The following CNTNAP2 variants were observed in gnomAD, a reference collection of about 807,000 sequenced individuals.
CNTNAP2 encodes contactin-associated protein-like 2.
A neutral mutation model predicts 155.2 loss-of-function variants in CNTNAP2; 98 were observed. That is an observed-to-expected ratio of 0.63 (90% confidence interval 0.54 to 0.75). The LOEUF (loss-of-function observed/expected upper bound fraction) is 0.75, where lower values mean the gene tolerates loss of function less well. Among genes scored for constraint, CNTNAP2 ranks in the 30% least tolerant of loss-of-function variants. The pLI is 0.00. For missense variants in CNTNAP2, 1,727 were observed against 1,688.1 expected, an observed-to-expected ratio of 1.02 and a Z score of -0.40; for synonymous variants, 651 against 631.2, an observed-to-expected ratio of 1.03 and a Z score of -0.47.
intron 3 of CNTNAP2, among the ~76,000 whole-genome samples, chr7:147,036,586 A>G (rs1799155190): frequency 6.6e-6 from 1 of 152,202 alleles, no homozygotes; most frequent in African/African-American, 2.4e-5. Context: ...GCATATATAC[A>G]AATCACTGCC....
chr7:148,252,357 A>G (rs772437479), intron 20 of CNTNAP2, among the ~76,000 whole-genome samples: 11 of 152,192 alleles, frequency 7.2e-5, no homozygotes, highest in Non-Finnish European at 1.5e-4. Context: ...GGTCTTGATC[A>G]GGTCACCTTG....
At chr7:147,521,136 C>T (rs771790089) in intron 11 of CNTNAP2, among the ~76,000 whole-genome samples, 5 of 152,168 alleles carry the variant, frequency 3.3e-5, no homozygotes, top group Non-Finnish European at 7.4e-5. Flanking sequence ...GCTAATTTTC[C>T]ATGTCTCTCC....
Position 147,101,477 on chromosome 7 carries a change from G to T in CNTNAP2, c.551-6670G>T, listed in dbSNP as rs1800651252. 2.6e-5 allele frequency among the ~76,000 whole-genome samples: 4 copies of T among 152,294 alleles called. No individual in the cohort carries two copies. In the South Asian group the frequency reaches 8.3e-4, roughly 32 times the overall value. On this transcript the variant is annotated intron_variant, in intron 4 of 23. Transcript: ENST00000361727. ...CTTTTAGCTTTGCCATCTGTGGATG[G>T]TTAAGTGTTAACCAGTTCAGTGGAG...
At chr7:147,302,405 A>C (rs2116774762) in intron 9 of CNTNAP2, among the ~76,000 whole-genome samples, 1 of 152,290 alleles carries the variant, frequency 6.6e-6, no homozygotes, top group African/African-American at 2.4e-5. Context: ...TGCTATTTAC[A>C]TCAGTTTACA....
chr7:148,275,959 A>G (rs7809171), intron 21 of CNTNAP2, among the ~76,000 whole-genome samples: 115,786 of 152,056 alleles, frequency 0.76, 44,223 homozygotes, highest in South Asian at 0.87. Flanking sequence ...GTGCTATGAG[A>G]GAAATTTGAG....
At chr7:148,106,519 T>TATATATATATATATAC (rs1491129840) in intron 15 of CNTNAP2, among the ~76,000 whole-genome samples, 7 of 130,858 alleles carry the variant, frequency 5.3e-5, no homozygotes, top group African/African-American at 1.9e-4. Context: ...TATATATATA[T>TATATATATATATATAC]ACATATTTTT....
chr7:147,435,078 A>T (rs138457826), intron 10 of CNTNAP2, among the ~76,000 whole-genome samples: 1 of 152,282 alleles, frequency 6.6e-6, no homozygotes, highest in Non-Finnish European at 1.5e-5. Flanking sequence ...CAACACAGAG[A>T]TCTGAAGGAA....
At chr7:146,662,231 G>A (rs999121195) in intron 1 of CNTNAP2, among the ~76,000 whole-genome samples, 1 of 151,954 alleles carries the variant, frequency 6.6e-6, no homozygotes, top group African/African-American at 2.4e-5. Flanking sequence ...TCCACCTCCC[G>A]GGTTCAAGCG....
intron 1 of CNTNAP2, among the ~76,000 whole-genome samples, chr7:146,469,518 C>G (rs969573145): frequency 1.2e-4 from 15 of 129,080 alleles, no homozygotes; most frequent in Non-Finnish European, 2.3e-4. Flanking sequence ...TAATAATTGA[C>G]TTTTTTTTTT....
chr7:148,077,078 C>A (rs887338250), intron 15 of CNTNAP2, among the ~76,000 whole-genome samples: 1 of 152,012 alleles, frequency 6.6e-6, no homozygotes, highest in South Asian at 2.1e-4. Context: ...GAGGCCAAGG[C>A]GGGTGGCTCA....
Position 148,420,332 on chromosome 7 carries a change from T to C in CNTNAP2, c.*4716T>C, listed in dbSNP as rs1265807920. The C allele has an allele frequency of 6.6e-6, 1 of 152,212 alleles. No homozygotes were observed. Among genetic ancestry groups the C allele is most frequent in the African/African-American group, 2.4e-5 (1 of 41,456 alleles). The allele number at this position is 152,212 out of a possible 1,614,324, so 9.4% of individuals were successfully genotyped here. On this transcript the variant is annotated 3_prime_UTR_variant, in exon 24 of 24. Coordinates refer to ENST00000361727, the MANE Select transcript of CNTNAP2 (RefSeq NM_014141.6). ...CTAGTGGCTATATGCCTATTCTCCA[T>C]GTACCCTGCATGGTAGTGCTGCAAA...
At chr7:146,680,621 TC>T (rs1800485222) in intron 1 of CNTNAP2, among the ~76,000 whole-genome samples, 1 of 152,226 alleles carries the variant, frequency 6.6e-6, no homozygotes, top group East Asian at 1.9e-4. Flanking sequence ...ATTCAAACCC[TC>T]TGTCATATCA....
At chr7:147,479,145 GT>G (rs1798375547) in intron 10 of CNTNAP2, among the ~76,000 whole-genome samples, 1 of 152,150 alleles carries the variant, frequency 6.6e-6, no homozygotes, top group South Asian at 2.1e-4. Context: ...GCAGGCCCTT[GT>G]CTTCCCTCCA....
chr7:146,395,826 GGA>G (rs35033097), intron 1 of CNTNAP2, among the ~76,000 whole-genome samples: 3,841 of 116,592 alleles, frequency 0.033, 126 homozygotes, highest in African/African-American at 0.08. Flanking sequence ...GATAGATAGA[GGA>G]GAGAGAGAGA....
At chr7:146,393,958 A>G (rs4726785) in intron 1 of CNTNAP2, among the ~76,000 whole-genome samples, 56,401 of 151,940 alleles carry the variant, frequency 0.37, 11,301 homozygotes, top group African/African-American at 0.51. Flanking sequence ...AAGCAAAAAT[A>G]TATTGTTAAC....
intron 1 of CNTNAP2, among the ~76,000 whole-genome samples, chr7:146,770,451 T>C (rs1368925830): frequency 6.6e-6 from 1 of 151,952 alleles, no homozygotes; most frequent in African/African-American, 2.4e-5. Flanking sequence ...ATATAGTAAT[T>C]GTTGCATTTT....
At chr7:148,261,132 G>A (rs1196708583) in intron 20 of CNTNAP2, among the ~76,000 whole-genome samples, 3 of 151,772 alleles carry the variant, frequency 2.0e-5, no homozygotes, top group Non-Finnish European at 2.9e-5. Flanking sequence ...GGAAGAAAAG[G>A]GGAGGTCAGA....
chr7:147,076,291 C>T (rs1057286546), intron 4 of CNTNAP2, among the ~76,000 whole-genome samples: 3 of 152,290 alleles, frequency 2.0e-5, no homozygotes, highest in South Asian at 2.1e-4. Context: ...TCTCCAGCAC[C>T]GGTTGTTTCC....
chr7:146,504,514 C>A (rs1032426282), intron 1 of CNTNAP2, among the ~76,000 whole-genome samples: 1 of 152,188 alleles, frequency 6.6e-6, no homozygotes, highest in Non-Finnish European at 1.5e-5. Context: ...TACCACTTTC[C>A]TGGTTTGATC....
Sources: allele counts gnomAD v4.1 joint callset (sites outside exome capture counted in the v4.1 genomes callset), GRCh38; gene constraint gnomAD v4.1.1; transcripts MANE v1.5; gene names NCBI Gene and HGNC (gene_info 2026-07-23, HGNC 2026-07-21).